The following GRM8 variants were observed in gnomAD, a reference collection of about 807,000 sequenced individuals.
GRM8 encodes the protein glutamate metabotropic receptor 8, also known as metabotropic glutamate receptor 8.
GRM8 carries 47 observed loss-of-function variants against 87.2 expected under a neutral mutation model. The observed-to-expected ratio is 0.54, with a 90% CI of 0.43 to 0.69. The LOEUF is 0.69. Ranked by LOEUF, GRM8 falls within the 30% of genes least tolerant of loss-of-function variation. The probability of loss-of-function intolerance (pLI) is 0.00; values close to 1 mark genes in which losing one functional copy is unlikely to be tolerated. For missense variants in GRM8, 1,019 were observed against 1,139.2 expected (o/e 0.89, Z 1.52); for synonymous variants, 396 against 404.5 (o/e 0.98, Z 0.25).
intron 7 of GRM8, among the ~76,000 whole-genome samples, chr7:126,663,995 A>G (rs1805496499): frequency 6.6e-6 from 1 of 152,212 alleles, no homozygotes; most frequent in African/African-American, 2.4e-5. Flanking sequence ...CTATACACCA[A>G]TAATGCTCAA....
chr7:126,731,453 A>G (rs1044764743), intron 7 of GRM8, among the ~76,000 whole-genome samples: 5 of 152,118 alleles, frequency 3.3e-5, no homozygotes, highest in Non-Finnish European at 7.4e-5. Context: ...AATTTTCTAG[A>G]AGGAGAAATT....
chr7:127,193,980 T>G (rs1795155229), intron 2 of GRM8, among the ~76,000 whole-genome samples: 1 of 152,090 alleles, frequency 6.6e-6, no homozygotes, highest in Non-Finnish European at 1.5e-5. Context: ...TGAGGCCCTA[T>G]CTCAAAGATG....
At chr7:126,623,615 G>C (rs1800392805) in intron 7 of GRM8, among the ~76,000 whole-genome samples, 1 of 152,124 alleles carries the variant, frequency 6.6e-6, no homozygotes, top group Admixed American at 6.5e-5. Context: ...CCACTGCTGA[G>C]CCTTTCTCAT....
At position 127,195,566 on chromosome 7, in the gene GRM8, G is replaced by A. The variant is rs1795237437; in HGVS notation, c.510+47129C>T. 2.0e-5 allele frequency among the ~76,000 whole-genome samples: 3 copies of A among 152,234 alleles called. No individual in the cohort carries two copies. In the South Asian group the frequency reaches 6.2e-4, roughly 32 times the overall value. ...TGTTGAATTACTTAAAGTACTCAAT[G>A]TGGCCAGTTCTATCCCCTCCGGACC... On this transcript the variant is annotated intron_variant, in intron 2 of 10. Transcript: ENST00000339582.
At chr7:126,687,613 GAAT>G (rs1808327722) in intron 7 of GRM8, among the ~76,000 whole-genome samples, 3 of 150,430 alleles carry the variant, frequency 2.0e-5, no homozygotes, top group African/African-American at 7.4e-5. Context: ...ATGTAACCAA[GAAT>G]GGAATTGGTA....
intron 6 of GRM8, among the ~76,000 whole-genome samples, chr7:126,897,548 C>G (rs1366122428): frequency 6.6e-6 from 1 of 151,518 alleles, no homozygotes; most frequent in Non-Finnish European, 1.5e-5. Flanking sequence ...TGGAAAGACA[C>G]TAAGCCTGAG....
intron 7 of GRM8, among the ~76,000 whole-genome samples, chr7:126,721,294 T>C (rs1413182219): frequency 6.6e-6 from 1 of 152,196 alleles, no homozygotes; most frequent in African/African-American, 2.4e-5. Flanking sequence ...CACCATACTT[T>C]GTCTTACAAT....
chr7:126,599,667 T>C (rs1797547732), intron 8 of GRM8, among the ~76,000 whole-genome samples: 1 of 152,078 alleles, frequency 6.6e-6, no homozygotes, highest in African/African-American at 2.4e-5. Flanking sequence ...CCAACACAGT[T>C]CTCTAGTTCC....
chr7:127,160,239 T>A (rs1435588690), intron 2 of GRM8, among the ~76,000 whole-genome samples: 1 of 152,170 alleles, frequency 6.6e-6, no homozygotes, highest in Non-Finnish European at 1.5e-5. Flanking sequence ...GGTGTTTGAT[T>A]AGTGAGTTTA....
chr7:126,689,983 G>GCCC (rs998641760), intron 7 of GRM8, among the ~76,000 whole-genome samples: 2 of 152,124 alleles, frequency 1.3e-5, no homozygotes, highest in African/African-American at 4.8e-5. Flanking sequence ...AAGGAAGTTG[G>GCCC]CCCGAGGATG....
At chr7:126,903,530 T>TA (rs957552520) in intron 5 of GRM8, among the ~76,000 whole-genome samples, 1 of 149,204 alleles carries the variant, frequency 6.7e-6, no homozygotes, top group Non-Finnish European at 1.5e-5. Context: ...GTCTTTTTCT[T>TA]AAAAAAATAT....
chr7:127,041,273 G>T (rs1038798491), intron 3 of GRM8, among the ~76,000 whole-genome samples: 3 of 152,194 alleles, frequency 2.0e-5, no homozygotes, highest in Non-Finnish European at 2.9e-5. Context: ...ATCTGTAGGA[G>T]AGAGGAGGCT....
intron 7 of GRM8, among the ~76,000 whole-genome samples, chr7:126,669,262 C>G (rs1290245763): frequency 6.6e-6 from 1 of 151,782 alleles, no homozygotes; most frequent in African/African-American, 2.4e-5. Flanking sequence ...TGCAGCAAAC[C>G]ACAATGGTAC....
chr7:126,992,081 G>A (rs1198351255), intron 3 of GRM8, among the ~76,000 whole-genome samples: 1 of 152,180 alleles, frequency 6.6e-6, no homozygotes, highest in African/African-American at 2.4e-5. Flanking sequence ...ACTATAACCA[G>A]TGATTACAGA....
intron 3 of GRM8, among the ~76,000 whole-genome samples, chr7:126,928,136 C>G (rs894004553): frequency 1.4e-5 from 2 of 145,996 alleles, no homozygotes; most frequent in African/African-American, 5.1e-5. Flanking sequence ...CCAAACACTG[C>G]ATGTTCTCAC....
chr7:126,954,333 C>G (rs1416988011), intron 3 of GRM8, among the ~76,000 whole-genome samples: 1 of 152,086 alleles, frequency 6.6e-6, no homozygotes, highest in Non-Finnish European at 1.5e-5. Flanking sequence ...AAGCCTTTCC[C>G]CTGAATCCTA....
chr7:126,595,562 T>G (rs1797099951), intron 8 of GRM8, among the ~76,000 whole-genome samples: 1 of 151,908 alleles, frequency 6.6e-6, no homozygotes, highest in African/African-American at 2.4e-5. Flanking sequence ...CCACTGCACC[T>G]GGTCCAGGTT....
chr7:126,571,767 G>A (rs1472185183), intron 8 of GRM8, among the ~76,000 whole-genome samples: 5 of 148,002 alleles, frequency 3.4e-5, no homozygotes, highest in Non-Finnish European at 7.4e-5. Context: ...TTGAGATGGA[G>A]TCTCACCCTG....
chr7:127,149,864 C>T (rs1016709288), intron 2 of GRM8, among the ~76,000 whole-genome samples: 3 of 151,888 alleles, frequency 2.0e-5, no homozygotes, highest in African/African-American at 7.2e-5. Flanking sequence ...GAGAACAAAA[C>T]AGTGGTTATG....
Sources: allele counts gnomAD v4.1 joint callset (sites outside exome capture counted in the v4.1 genomes callset), GRCh38; gene constraint gnomAD v4.1.1; transcripts MANE v1.5; gene names NCBI Gene and HGNC (gene_info 2026-07-23, HGNC 2026-07-21).